The following PSEN1 variants were observed in gnomAD, a reference collection of about 807,000 sequenced individuals.
PSEN1 encodes the protein presenilin 1, also known as presenilin-1.
In PSEN1, 15 loss-of-function variants were observed where a neutral mutation model predicts 53.5. The observed-to-expected ratio is 0.28, with a 90% CI of 0.19 to 0.43. The LOEUF is 0.43. Among genes scored for constraint, PSEN1 ranks in the 20% least tolerant of loss-of-function variants. The probability of loss-of-function intolerance (pLI) is 1.00; values close to 1 mark genes in which losing one functional copy is unlikely to be tolerated. For missense variants in PSEN1, 387 were observed against 571.2 expected (o/e 0.68, Z 3.29); for synonymous variants, 208 against 209.8 (o/e 0.99, Z 0.08).
chr14:73,211,867 C>T lies in PSEN1; in HGVS notation c.1054C>T (p.Arg352Cys), dbSNP rs571825723. 40 of 1,611,732 alleles carry T rather than the reference C, an allele frequency of 2.5e-5. No homozygotes were observed. The highest frequency in any genetic ancestry group is 5.0e-5 in the Admixed American group (3 of 59,788). ...GAGGGACAGTCATCTAGGGCCTCAT[C>T]GCTCTACACCTGAGTCACGAGCTGC... Reference protein sequence around the residue: ...AQRDSHLGPHRSTPESRAAVQ... With the variant: ...AQRDSHLGPHCSTPESRAAVQ... The change falls in exon 10 of 12, where the codon CGC (arginine) becomes TGC (cysteine). Residue 352 changes from arginine (R) to cysteine (C), a missense_variant. Physicochemically the swap from Arg to Cys is radical, Grantham distance 180. Coordinates refer to ENST00000324501, the MANE Select transcript of PSEN1 (RefSeq NM_000021.4).
At chr14:73,191,338 C>G (rs1329407080) in intron 6 of PSEN1, among the ~76,000 whole-genome samples, 3 of 151,936 alleles carry the variant, frequency 2.0e-5, no homozygotes, top group Admixed American at 2.0e-4. Context: ...TGTGTTATGC[C>G]TATACTCCAT....
At chr14:73,217,469 A>T (rs1363626197) in intron 11 of PSEN1, among the ~76,000 whole-genome samples, 1 of 152,170 alleles carries the variant, frequency 6.6e-6, no homozygotes, top group African/African-American at 2.4e-5. Context: ...AGATATTCTT[A>T]CTCAATTTAA....
chr14:73,190,401 A>T (rs1457892858), intron 6 of PSEN1, among the ~76,000 whole-genome samples: 2 of 151,182 alleles, frequency 1.3e-5, no homozygotes, highest in Admixed American at 6.6e-5. Flanking sequence ...AGTCAGGAGG[A>T]TCACTTGAGC....
chr14:73,173,542 G>A (rs1897952483), intron 4 of PSEN1, 24 bp from the exon 5 acceptor site: 1 of 1,612,976 alleles, frequency 6.2e-7, no homozygotes, highest in South Asian at 1.1e-5. Context: ...CTGACCTAGG[G>A]CTTTTGTGTT....
chr14:73,194,585 T>TC (rs1375617777), intron 7 of PSEN1, among the ~76,000 whole-genome samples: 2 of 139,444 alleles, frequency 1.4e-5, no homozygotes, highest in African/African-American at 5.4e-5. Context: ...TTTTTTTTTT[T>TC]CAAGACGGAG....
intron 8 of PSEN1, among the ~76,000 whole-genome samples, chr14:73,202,568 G>A (rs1899272591): frequency 7.3e-6 from 1 of 137,236 alleles, no homozygotes; most frequent in African/African-American, 2.8e-5. Flanking sequence ...CACCTCCCGG[G>A]TTCACGCCAT....
Position 73,171,045 on chromosome 14 carries a change from G to A in PSEN1, c.336G>A (p.Gln112=). The A allele has an allele frequency of 1.2e-6, 2 of 1,614,158 alleles. No homozygotes were observed. Among genetic ancestry groups the A allele is most frequent in the East Asian group, 2.2e-5 (1 of 44,884 alleles). The change falls in exon 4 of 12, where the codon CAG becomes CAA. Residue 112 remains glutamine, a splice_region_variant and synonymous_variant. Coordinates refer to ENST00000324501, the MANE Select transcript of PSEN1 (RefSeq NM_000021.4). The stretch of plus-strand genomic sequence containing the variant: ...GCTTTTATACCCGGAAGGATGGGCA[G>A]CTGTACGTATGAGTTTTGTTTTATT... ...SVSFYTRKDG[Q]LIYTPFTEDT... is the part of the protein sequence containing the mutation.
At chr14:73,165,611 G>A (rs1897687528) in intron 3 of PSEN1, among the ~76,000 whole-genome samples, 1 of 151,746 alleles carries the variant, frequency 6.6e-6, no homozygotes, top group Non-Finnish European at 1.5e-5. Flanking sequence ...AGCCAGGCAT[G>A]GTGGCGCATG....
intron 8 of PSEN1, among the ~76,000 whole-genome samples, chr14:73,199,748 G>C (rs973865574): frequency 6.6e-6 from 1 of 152,088 alleles, no homozygotes; most frequent in Non-Finnish European, 1.5e-5. Flanking sequence ...TTGGTGTTTT[G>C]GTTTGTTTTG....
chr14:73,169,569 TG>T (rs1897825905), intron 3 of PSEN1: 1 of 152,222 alleles, frequency 6.6e-6, no homozygotes, highest in Non-Finnish European at 1.5e-5. Context: ...TCTCTACCAA[TG>T]CTAGTTCCTT....
intron 6 of PSEN1, among the ~76,000 whole-genome samples, chr14:73,191,439 G>T (rs1201197733): frequency 1.3e-5 from 2 of 152,106 alleles, no homozygotes; most frequent in African/African-American, 2.4e-5. Flanking sequence ...CGCTTTGAAG[G>T]TGAAAGAAAG....
chr14:73,213,362 C>G (rs1024058311), intron 10 of PSEN1, among the ~76,000 whole-genome samples: 2 of 152,102 alleles, frequency 1.3e-5, no homozygotes, highest in African/African-American at 4.8e-5. Context: ...TGACGATTCC[C>G]TCTCCTGAGA....
chr14:73,178,836 G>C (rs569597522), intron 5 of PSEN1, among the ~76,000 whole-genome samples: 1 of 152,058 alleles, frequency 6.6e-6, no homozygotes, highest in Non-Finnish European at 1.5e-5. Flanking sequence ...GATCTGATTG[G>C]GCTAGGTCCA....
At chr14:73,187,979 A>C (rs983317486) in intron 6 of PSEN1, among the ~76,000 whole-genome samples, 2 of 151,990 alleles carry the variant, frequency 1.3e-5, no homozygotes, top group Admixed American at 6.6e-5. Flanking sequence ...CCCAGGCTGG[A>C]GTGCAGTGGC....
intron 5 of PSEN1, among the ~76,000 whole-genome samples, chr14:73,176,848 G>A (rs1185047088): frequency 6.6e-6 from 1 of 152,180 alleles, no homozygotes. Flanking sequence ...TGAGTCCAGA[G>A]TTTGGCCTGG....
At chr14:73,159,572 G>GT (rs1006351284) in intron 3 of PSEN1, among the ~76,000 whole-genome samples, 2 of 152,118 alleles carry the variant, frequency 1.3e-5, no homozygotes, top group African/African-American at 4.8e-5. Context: ...TTTCAGCACT[G>GT]TTTTTTAAAA....
intron 1 of PSEN1, among the ~76,000 whole-genome samples, chr14:73,143,318 G>A (rs1244565530): frequency 6.6e-6 from 1 of 152,186 alleles, no homozygotes; most frequent in African/African-American, 2.4e-5. Flanking sequence ...TTGTAGCATT[G>A]TGATCTTTGG....
intron 8 of PSEN1, 154 bp from the exon 9 acceptor site, chr14:73,206,230 AAG>A (rs1899448514): frequency 1.5e-6 from 1 of 680,834 alleles, no homozygotes; most frequent in Non-Finnish European, 2.7e-6. Context: ...GCTAAAACCA[AAG>A]AGAACCTTTT....
At chr14:73,158,602 G>A (rs1178455595) in intron 3 of PSEN1, among the ~76,000 whole-genome samples, 3 of 152,124 alleles carry the variant, frequency 2.0e-5, no homozygotes, top group East Asian at 3.9e-4. Context: ...GATTACAGGC[G>A]TGAGCCATCA....
Sources: allele counts gnomAD v4.1 joint callset (sites outside exome capture counted in the v4.1 genomes callset), GRCh38; gene constraint gnomAD v4.1.1; transcripts MANE v1.5; gene names NCBI Gene and HGNC (gene_info 2026-07-23, HGNC 2026-07-21).